The following PRORP variants were observed in gnomAD, a reference collection of about 807,000 sequenced individuals.
PRORP encodes protein only RNase P catalytic subunit, also known as mitochondrial ribonuclease P catalytic subunit.
A neutral mutation model predicts 59.4 loss-of-function variants in PRORP; 51 were observed. The observed-to-expected ratio is 0.86, with a 90% CI of 0.69 to 1.08. The LOEUF (loss-of-function observed/expected upper bound fraction) is 1.08. Among genes scored for constraint, PRORP ranks in the 50% least tolerant of loss-of-function variants. The probability of loss-of-function intolerance (pLI) is 0.00; values close to 1 mark genes in which losing one functional copy is unlikely to be tolerated. For missense variants in PRORP, 646 were observed against 690.3 expected, an observed-to-expected ratio of 0.94 and a Z score of 0.72; for synonymous variants, 231 against 245.6, an observed-to-expected ratio of 0.94 and a Z score of 0.55.
chr14:35,223,153 A>G (rs2049833606), intron 5 of PRORP, among the ~76,000 whole-genome samples: 1 of 151,842 alleles, frequency 6.6e-6, no homozygotes, highest in Non-Finnish European at 1.5e-5. Context: ...TCTTGGATAG[A>G]AGTTCTCTTT....
intron 4 of PRORP, among the ~76,000 whole-genome samples, chr14:35,170,362 T>C (rs1210691062): frequency 6.6e-6 from 1 of 152,202 alleles, no homozygotes; most frequent in East Asian, 1.9e-4. Flanking sequence ...AATTCATCTA[T>C]TGGCTTTTAT....
In PRORP at chr14:35,128,497, A is replaced by G. The variant is rs543470343; in HGVS notation, c.1167+886A>G. Among the ~76,000 whole-genome samples, 3 of 151,922 alleles carry G rather than the reference A, an allele frequency of 2.0e-5. No individual in the cohort carries two copies. In the East Asian group the frequency reaches 5.8e-4, roughly 29 times the overall value. On this transcript the variant is annotated intron_variant, in intron 4 of 7. Coordinates refer to ENST00000534898, the MANE Select transcript of PRORP (RefSeq NM_014672.4). Reference sequence around the variant, plus strand: ...TTTCTTTGCTGGGAGACTTTTTATTATGGCTTCGATCTCGTTACTTGTTAT... The same window carrying G: ...TTTCTTTGCTGGGAGACTTTTTATTGTGGCTTCGATCTCGTTACTTGTTAT...
intron 4 of PRORP, among the ~76,000 whole-genome samples, chr14:35,163,265 A>T (rs2138958587): frequency 6.6e-6 from 1 of 152,168 alleles, no homozygotes; most frequent in East Asian, 1.9e-4. Context: ...TAATACATTT[A>T]TAAATGAAAA....
intron 4 of PRORP, among the ~76,000 whole-genome samples, chr14:35,166,533 T>G (rs1244165803): frequency 6.7e-6 from 1 of 148,718 alleles, no homozygotes; most frequent in African/African-American, 2.5e-5. Context: ...CACTGCAACC[T>G]CTGCCTCCTG....
chr14:35,182,296 A>G (rs879895939), intron 5 of PRORP, among the ~76,000 whole-genome samples: 5 of 152,124 alleles, frequency 3.3e-5, no homozygotes, highest in Non-Finnish European at 5.9e-5. Context: ...AATGTTTACA[A>G]TATGTGACAA....
chr14:35,198,303 C>T (rs1367409263), intron 5 of PRORP, among the ~76,000 whole-genome samples: 1 of 152,182 alleles, frequency 6.6e-6, no homozygotes, highest in Non-Finnish European at 1.5e-5. Context: ...AGGGCAGGGC[C>T]ATGTGGGCAC....
intron 5 of PRORP, among the ~76,000 whole-genome samples, chr14:35,207,374 C>CA (rs1185272622): frequency 2.6e-5 from 4 of 152,174 alleles, no homozygotes; most frequent in Admixed American, 2.0e-4. Flanking sequence ...GTTGTAATCA[C>CA]AAAAAATTAC....
intron 5 of PRORP, among the ~76,000 whole-genome samples, chr14:35,233,269 A>G (rs915467167): frequency 1.3e-5 from 2 of 150,044 alleles, no homozygotes. Context: ...ACGGCATTGC[A>G]TAACTCTAGA....
chr14:35,123,226 G>A lies in PRORP; in HGVS notation c.-20G>A, dbSNP rs933335434. The A allele has an allele frequency of 9.4e-6, 15 of 1,593,720 alleles. No homozygotes were observed. Among genetic ancestry groups the A allele is most frequent in the Admixed American group, 3.4e-5 (2 of 59,186 alleles). ...TTTTTCAACATCTCTCTCACTATCT[G>A]GTGCTGATCTCACTGCATAATGACT... On this transcript the variant is annotated 5_prime_UTR_variant, in exon 2 of 8. Coordinates refer to ENST00000534898, the MANE Select transcript of PRORP (RefSeq NM_014672.4).
At chr14:35,262,005 TTGGGCCCCAGTC>T (rs2050916796) in intron 5 of PRORP, among the ~76,000 whole-genome samples, 1 of 152,176 alleles carries the variant, frequency 6.6e-6, no homozygotes, top group African/African-American at 2.4e-5. Context: ...CTGCTCTTCT[TTGGGCCCCAGTC>T]TTTAATGTAC....
chr14:35,189,669 A>G (rs1052628581), intron 5 of PRORP, among the ~76,000 whole-genome samples: 3 of 152,248 alleles, frequency 2.0e-5, no homozygotes, highest in African/African-American at 7.2e-5. Context: ...TGTGTTATCT[A>G]AACAAGAAAT....
At chr14:35,201,874 T>C (rs1445039028) in intron 5 of PRORP, among the ~76,000 whole-genome samples, 2 of 151,988 alleles carry the variant, frequency 1.3e-5, no homozygotes, top group African/African-American at 4.8e-5. Context: ...GTTAGGCTGG[T>C]CTCAAACTCC....
intron 4 of PRORP, among the ~76,000 whole-genome samples, chr14:35,151,169 C>A (rs757241804): frequency 6.6e-6 from 1 of 152,078 alleles, no homozygotes; most frequent in Admixed American, 6.6e-5. Flanking sequence ...GAGTGATACA[C>A]TTTTAGTGTT....
chr14:35,251,498 A>T (rs1246091011), intron 5 of PRORP, among the ~76,000 whole-genome samples: 1 of 152,190 alleles, frequency 6.6e-6, no homozygotes, highest in Non-Finnish European at 1.5e-5. Context: ...ATTATCGAAG[A>T]TAATTTCATC....
intron 5 of PRORP, among the ~76,000 whole-genome samples, chr14:35,199,061 C>T (rs1040736333): frequency 6.6e-5 from 10 of 151,906 alleles, no homozygotes; most frequent in Admixed American, 2.0e-4. Flanking sequence ...CCAGCTACTC[C>T]GGAGGCTGAG....
At chr14:35,243,085 C>T (rs1269870148) in intron 5 of PRORP, among the ~76,000 whole-genome samples, 1 of 152,118 alleles carries the variant, frequency 6.6e-6, no homozygotes, top group Non-Finnish European at 1.5e-5. Context: ...GCTTCAAGTA[C>T]CTTCAGTGTA....
At chr14:35,250,713 C>CCTTATCAAATAG (rs2050592705) in intron 5 of PRORP, among the ~76,000 whole-genome samples, 1 of 152,152 alleles carries the variant, frequency 6.6e-6, no homozygotes, top group Admixed American at 6.5e-5. Context: ...CCCTGAACCA[C>CCTTATCAAATAG]CTTATCAAAT....
At chr14:35,163,061 C>A (rs1268712445) in intron 4 of PRORP, among the ~76,000 whole-genome samples, 1 of 151,974 alleles carries the variant, frequency 6.6e-6, no homozygotes, top group Non-Finnish European at 1.5e-5. Flanking sequence ...TCTATTAGAG[C>A]TAATTTTTAT....
At chr14:35,181,085 G>A (rs988889881) in intron 5 of PRORP, among the ~76,000 whole-genome samples, 32 of 151,996 alleles carry the variant, frequency 2.1e-4, no homozygotes, top group Non-Finnish European at 4.0e-4. Context: ...TTTCTCTTTG[G>A]GGTCGCTCTG....
Sources: gnomAD v4.1 joint callset for allele counts (sites outside exome capture counted in the v4.1 genomes callset) on GRCh38, gnomAD v4.1.1 for gene constraint, MANE v1.5 for transcripts, NCBI Gene and HGNC (gene_info 2026-07-23, HGNC 2026-07-21) for gene names.